RNF213: variants seen among roughly 807,000 people sequenced by gnomAD.
The protein encoded by RNF213 is E3 ubiquitin-protein ligase RNF213.
A neutral mutation model predicts 514.4 loss-of-function variants in RNF213; 341 were observed. The observed-to-expected ratio is 0.66, with a 90% CI of 0.61 to 0.73. The LOEUF (loss-of-function observed/expected upper bound fraction) is 0.73. RNF213 is among the 30% of genes least tolerant of loss of function. The pLI is 0.00. For synonymous variants in RNF213, 2,655 were observed against 2,658.2 expected (o/e 1.00, Z 0.04); for missense variants, 5,767 against 6,615.6 (o/e 0.87, Z 4.45).
chr17:80,274,093 G>A (rs2043929002), intron 3 of RNF213, among the ~76,000 whole-genome samples: 1 of 152,176 alleles, frequency 6.6e-6, no homozygotes, highest in Non-Finnish European at 1.5e-5. Flanking sequence ...AGGGACCTGA[G>A]CGTCCGCTGG....
intron 44 of RNF213, 76 bp downstream of exon 44, chr17:80,368,219 T>A: frequency 2.7e-6 from 4 of 1,482,984 alleles, no homozygotes; most frequent in Non-Finnish European, 3.8e-6. Flanking sequence ...TTCAGAAATA[T>A]AAACTCTATT....
chr17:80,384,256 CCT>C (rs377617007), intron 59 of RNF213, among the ~76,000 whole-genome samples: 16 of 152,196 alleles, frequency 1.1e-4, no homozygotes, highest in African/African-American at 3.6e-4. Flanking sequence ...CCGCTCTGTT[CCT>C]CTCTGTCCAC....
At chr17:80,327,501 C>T (rs1444298144) in intron 18 of RNF213, among the ~76,000 whole-genome samples, 4 of 151,274 alleles carry the variant, frequency 2.6e-5, no homozygotes, top group Non-Finnish European at 5.9e-5. Flanking sequence ...AAAAGGAAGT[C>T]AGTCCATCCG....
Position 80,338,730 on chromosome 17 carries a change from C to G in RNF213, c.4834-471C>G, listed in dbSNP as rs569993410. ...TTGGGAGGCCGAGGCGGGCCTATCA[C>G]TTGAGGTCAGGTGTTTGAGACCAGC... On this transcript the variant is annotated intron_variant, in intron 25 of 67. Transcript: ENST00000582970. Among the ~76,000 whole-genome samples the G allele has an allele frequency of 2.4e-4, 37 of 151,760 alleles. 1 individual carries two copies. The East Asian group carries it at 6.8e-3, about 28-fold the overall frequency.
intron 7 of RNF213, 92 bp downstream of exon 7, chr17:80,290,820 T>C (rs1319785271): frequency 1.4e-6 from 2 of 1,473,184 alleles, no homozygotes; most frequent in Non-Finnish European, 1.9e-6. Flanking sequence ...TTTGTTTTTT[T>C]TTTTTCTGAG....
rs756505299 is a variant in RNF213 at position 80,298,308 on chromosome 17, TA to T, written c.2013-12del. The T allele has an allele frequency of 6.2e-7, 1 of 1,613,908 alleles. No homozygotes were observed. The highest frequency in any genetic ancestry group is 1.7e-5 in the Admixed American group (1 of 59,986). ...CCAGCTCAGCTCACTGCGGGATCTT[TA>T]TTCCCTTCCAGCTGGCGGCTGTACC... On this transcript the variant is annotated splice_polypyrimidine_tract_variant and intron_variant, in intron 10 of 67. Transcript: ENST00000582970.
intron 61 of RNF213, 42 bp from the exon 62 acceptor site, chr17:80,386,208 T>G: frequency 1.3e-6 from 2 of 1,587,412 alleles, no homozygotes; most frequent in South Asian, 2.2e-5. Context: ...CTGTGAGGAG[T>G]TGGAACTCCT....
Position 80,383,805 on chromosome 17 carries a change from T to C in RNF213, c.14199T>C (p.Ser4733=), listed in dbSNP as rs2080120179. 2 of 1,613,966 alleles carry C rather than the reference T, an allele frequency of 1.2e-6. No individual in the cohort carries two copies. The highest frequency in any genetic ancestry group is 1.3e-5 in the African/African-American group (1 of 74,888). The stretch of plus-strand genomic sequence containing the variant: ...TCCTGCCCCACCTGCCCCGGAAAAG[T>C]GTGGTCCATTGCTCTAAGATTTGGA... The part of the protein sequence containing the change: ...VTFLPHLPRK[S]VVHCSKIWSC... Residue 4733 remains serine, a synonymous_variant, in exon 59 of 68, where the codon AGT becomes AGC. Coordinates refer to ENST00000582970, the MANE Select transcript of RNF213 (RefSeq NM_001256071.3).
At chr17:80,390,928 G>A (rs982733033) in intron 67 of RNF213, among the ~76,000 whole-genome samples, 2 of 152,068 alleles carry the variant, frequency 1.3e-5, no homozygotes, top group African/African-American at 4.8e-5. Flanking sequence ...CAGGCATGGT[G>A]GTACACACCT....
Position 80,340,372 on chromosome 17 carries a change from G to A in RNF213, c.5989+16G>A, listed in dbSNP as rs778324849. The A allele has an allele frequency of 5.6e-6, 9 of 1,598,760 alleles. No individual in the cohort carries two copies. Among genetic ancestry groups the A allele is most frequent in the Non-Finnish European group, 7.7e-6 (9 of 1,175,984 alleles). On this transcript the variant is annotated intron_variant, in intron 26 of 67. Coordinates refer to ENST00000582970, the MANE Select transcript of RNF213 (RefSeq NM_001256071.3). ...GCAGGTGTTGGTAAGGAGAGCGGCAGGGTGGGCAGGCCCCGTCTCCCAGGG... is the reference window on the plus strand; with the variant it reads ...GCAGGTGTTGGTAAGGAGAGCGGCAAGGTGGGCAGGCCCCGTCTCCCAGGG...
In RNF213 at chr17:80,347,708, G is replaced by T; in HGVS notation, c.9373G>T (p.Gly3125Cys). The T allele has an allele frequency of 6.2e-7, 1 of 1,613,948 alleles. No homozygotes were observed. Among genetic ancestry groups the T allele is most frequent in the South Asian group, 1.1e-5 (1 of 91,082 alleles). The change falls in exon 29 of 68, where the codon GGC (glycine) becomes TGC (cysteine). Residue 3125 changes from glycine to cysteine, a missense_variant. By Grantham distance (159) the Gly-to-Cys change is radical (BLOSUM62 -3). Transcript: ENST00000582970. The surrounding 1 kb of genome is among the most constrained non-coding windows in gnomAD (Gnocchi z 7.2). ...ALNQYYVHLG[G>C]QKYVDLGLGT... is the part of the protein sequence containing the mutation. ...CAACCAGTACTACGTCCACCTCGGC[G>T]GCCAGAAGTACGTGGACCTCGGTCT...
At position 80,287,930 on chromosome 17, in the gene RNF213, C is replaced by A; in HGVS notation, c.377C>A (p.Pro126Gln). 1 of 1,570,724 alleles carries A rather than the reference C, an allele frequency of 6.4e-7. No homozygotes were observed. The highest frequency in any genetic ancestry group is 8.6e-7 in the Non-Finnish European group (1 of 1,157,990). The change falls in exon 4 of 68, where the codon CCG becomes CAG. Residue 126 changes from proline to glutamine, a missense_variant. By Grantham distance (76) the Pro-to-Gln change is moderately conservative. Around this residue, in one of 13 missense-constraint regions of RNF213, gnomAD observed 509 missense variants for 496.7 expected, o/e 1.02. Coordinates refer to ENST00000582970, the MANE Select transcript of RNF213 (RefSeq NM_001256071.3). ...TGTCACCTGACTTTGCTTTCAAACCCGTGGCCTCAGGACACAGCCCTGCCC... is the reference window on the plus strand; with the variant it reads ...TGTCACCTGACTTTGCTTTCAAACCAGTGGCCTCAGGACACAGCCCTGCCC... The part of the protein sequence containing the change: ...SPCHLTLLSN[P>Q]WPQDTALPHS...
intron 42 of RNF213, among the ~76,000 whole-genome samples, chr17:80,366,179 G>C (rs1318883728): frequency 6.6e-6 from 1 of 152,192 alleles, no homozygotes; most frequent in Non-Finnish European, 1.5e-5. Context: ...GGCCGGGCAG[G>C]AAGTTGTCGA....
In RNF213 at chr17:80,287,797, G is replaced by A; in HGVS notation, c.262-18G>A. On this transcript the variant is annotated intron_variant, in intron 3 of 67. Transcript: ENST00000582970. ...AGTAAATCTAAGAAATAAAGTGAGT[G>A]TCTCTCTTTCTGTTTAGAGCAAAAA... 2 of 1,610,364 alleles carry A rather than the reference G, an allele frequency of 1.2e-6. No homozygotes were observed. Among genetic ancestry groups the A allele is most frequent in the Non-Finnish European group, 1.7e-6 (2 of 1,176,816 alleles).
chr17:80,371,662 T>C, intron 46 of RNF213: 1 of 466,642 alleles, frequency 2.1e-6, no homozygotes, highest in East Asian at 3.8e-5. Flanking sequence ...GAAACCAAAG[T>C]TTGAGGACAG....
Position 80,352,941 on chromosome 17 carries a change from G to A in RNF213, c.10305G>A (p.Gly3435=). The A allele has an allele frequency of 6.2e-7, 1 of 1,614,024 alleles. No individual in the cohort carries two copies. Among genetic ancestry groups the A allele is most frequent in the Non-Finnish European group, 8.5e-7 (1 of 1,180,046 alleles). The change falls in exon 33 of 68, where the codon GGG becomes GGA. Residue 3435 remains glycine, a splice_region_variant and synonymous_variant. Coordinates refer to ENST00000582970, the MANE Select transcript of RNF213 (RefSeq NM_001256071.3). ...RGTAYVGFHG[G]LWQSVHIDDL... Reference sequence around the variant, plus strand: ...TGTGGGTGGCTTCACTCTTCACAGGGCTGTGGCAGTCTGTCCACATCGATG... The same window carrying A: ...TGTGGGTGGCTTCACTCTTCACAGGACTGTGGCAGTCTGTCCACATCGATG...
At chr17:80,365,757 ACACAG>A (rs1170648573) in intron 42 of RNF213, among the ~76,000 whole-genome samples, 6 of 151,986 alleles carry the variant, frequency 3.9e-5, no homozygotes, top group Non-Finnish European at 5.9e-5. Context: ...CCCCACACCC[ACACAG>A]CATGCAGCCT....
intron 49 of RNF213, among the ~76,000 whole-genome samples, chr17:80,373,853 A>AT (rs1023933303): frequency 3.3e-5 from 5 of 152,034 alleles, no homozygotes; most frequent in Non-Finnish European, 7.4e-5. Flanking sequence ...GAAAAAAAAA[A>AT]TTAGCTGGAC....
At chr17:80,277,673 A>G (rs1283074013) in intron 3 of RNF213, among the ~76,000 whole-genome samples, 1 of 151,894 alleles carries the variant, frequency 6.6e-6, no homozygotes, top group African/African-American at 2.4e-5. Flanking sequence ...TACACAGGTG[A>G]ATGCCGATGG....
Sources: gnomAD v4.1 joint callset for allele counts (sites outside exome capture counted in the v4.1 genomes callset) on GRCh38, gnomAD v4.1.1 for gene constraint, gnomAD v4.1.1 regional missense constraint, Gnocchi (gnomAD v3.1) non-coding constraint, MANE v1.5 for transcripts, NCBI Gene and HGNC (gene_info 2026-07-23, HGNC 2026-07-21) for gene names.